Variants in GYS2 observed in about 807,000 individuals in gnomAD.
The protein encoded by GYS2 is glycogen synthase 2.
GYS2 carries 80 observed loss-of-function variants against 85.6 expected under a neutral mutation model. The ratio of observed to expected loss-of-function variants is 0.93; its 90% CI spans 0.78 to 1.13. The LOEUF is 1.13. Ranked by LOEUF, GYS2 falls within the 50% of genes most tolerant of loss-of-function variation. The pLI, the probability that GYS2 is intolerant of heterozygous loss-of-function variation, is 0.00. For synonymous variants in GYS2, 328 were observed against 300.7 expected, an observed-to-expected ratio of 1.09 and a Z score of -0.94; for missense variants, 881 against 854.9, an observed-to-expected ratio of 1.03 and a Z score of -0.38.
intron 11 of GYS2, among the ~76,000 whole-genome samples, chr12:21,547,877 G>T (rs1327138430): frequency 6.6e-6 from 1 of 152,130 alleles, no homozygotes; most frequent in Non-Finnish European, 1.5e-5. Flanking sequence ...AATGGACACT[G>T]TACTTTCTGT....
rs796978341 is a variant in GYS2 at position 21,560,559 on chromosome 12, T to A, written c.1063-67A>T. On this transcript the variant is annotated intron_variant, in intron 7 of 15. Coordinates refer to ENST00000261195, the MANE Select transcript of GYS2 (RefSeq NM_021957.4). ...TTTTAAAAAGTATGATAGATGGAAC[T>A]TAAACATTGAAAAGTAGAGTTTTAA... 5.9e-5 allele frequency: 48 copies of A among 808,522 alleles called. No homozygotes were observed. The African/African-American group carries it at 7.9e-4, about 13-fold the overall frequency. The allele number at this position is 808,522 out of a possible 1,614,324, so 50.1% of individuals were successfully genotyped here. A position where few individuals can be genotyped will look rare whatever the true frequency, so the allele number is the denominator to read the frequency against.
At chr12:21,540,325 T>G in intron 14 of GYS2, 85 bp downstream of exon 14, 1 of 1,140,764 alleles carries the variant, frequency 8.8e-7, no homozygotes, top group Non-Finnish European at 1.3e-6. Flanking sequence ...TTGGATTAAC[T>G]TTAGAGATTA....
chr12:21,546,564 A>AGCT, intron 11 of GYS2, 94 bp from the exon 12 acceptor site: 2 of 725,762 alleles, frequency 2.8e-6, no homozygotes, highest in Admixed American at 2.7e-5. Flanking sequence ...ACTCTACTAT[A>AGCT]GAATCCTTAT....
chr12:21,584,973 C>T (rs1032306975), intron 1 of GYS2, among the ~76,000 whole-genome samples: 2 of 152,144 alleles, frequency 1.3e-5, no homozygotes, highest in African/African-American at 4.8e-5. Context: ...TTTGAAGTCA[C>T]GATTACAATG....
intron 12 of GYS2, among the ~76,000 whole-genome samples, chr12:21,544,872 C>T (rs1193117790): frequency 3.9e-5 from 6 of 152,158 alleles, no homozygotes; most frequent in Non-Finnish European, 1.5e-5. Flanking sequence ...AGAATAGGAC[C>T]TTATGACCAA....
intron 4 of GYS2, among the ~76,000 whole-genome samples, chr12:21,571,898 G>A (rs1304668616): frequency 1.3e-5 from 2 of 149,950 alleles, no homozygotes; most frequent in Non-Finnish European, 3.0e-5. Flanking sequence ...GGAGGTGGAG[G>A]TTGCAGTGAG....
chr12:21,592,558 T>C (rs537424994), intron 1 of GYS2, among the ~76,000 whole-genome samples: 1 of 152,124 alleles, frequency 6.6e-6, no homozygotes, highest in East Asian at 1.9e-4. Flanking sequence ...CATTACATAA[T>C]GATAAAAGGA....
chr12:21,590,885 T>G (rs937108198), intron 1 of GYS2, among the ~76,000 whole-genome samples: 3 of 151,970 alleles, frequency 2.0e-5, no homozygotes, highest in Non-Finnish European at 4.4e-5. Context: ...TGTTGGCAGC[T>G]GAAAAAAAAT....
At chr12:21,597,565 T>G (rs537227343) in intron 1 of GYS2, among the ~76,000 whole-genome samples, 65 of 152,174 alleles carry the variant, frequency 4.3e-4, no homozygotes, top group South Asian at 1.0e-3. Context: ...CTGGCAAGGA[T>G]GTGAAGGAAA....
intron 1 of GYS2, among the ~76,000 whole-genome samples, chr12:21,588,543 T>C (rs1264528050): frequency 1.3e-5 from 2 of 152,230 alleles, no homozygotes; most frequent in Non-Finnish European, 2.9e-5. Context: ...CACAAGCTAA[T>C]TGTCCTTAAG....
chr12:21,565,605 T>C (rs1944310035), intron 5 of GYS2, among the ~76,000 whole-genome samples: 1 of 150,312 alleles, frequency 6.7e-6, no homozygotes, highest in Non-Finnish European at 1.5e-5. Context: ...ATTAATTTGA[T>C]TAATTTAATT....
At chr12:21,554,054 C>A (rs1944145184) in intron 11 of GYS2, among the ~76,000 whole-genome samples, 1 of 151,800 alleles carries the variant, frequency 6.6e-6, no homozygotes, top group African/African-American at 2.4e-5. Flanking sequence ...TGTATATTAG[C>A]CAATTTTTAT....
intron 11 of GYS2, among the ~76,000 whole-genome samples, chr12:21,548,905 C>T (rs1419007476): frequency 1.3e-5 from 2 of 152,002 alleles, no homozygotes; most frequent in Admixed American, 6.6e-5. Context: ...TCAGTGACAT[C>T]GCATTGGTAG....
rs146067864 is a variant in GYS2, at chr12:21,542,774, G to C, written c.1550-183C>G. Among the ~76,000 whole-genome samples the C allele has an allele frequency of 7.7e-3, 1,178 of 152,200 alleles. 24 individuals carry two copies. The highest frequency in any genetic ancestry group is 0.027 in the African/African-American group (1,120 of 41,506). ...AATCTCTCAACAACCCTGTGAAGTG[G>C]GGCCATCATTATCCCCATCTTACAG... On this transcript the variant is annotated intron_variant, in intron 12 of 15. Transcript: ENST00000261195.
chr12:21,569,732 T>C (rs1203818810), intron 4 of GYS2, among the ~76,000 whole-genome samples: 1 of 152,224 alleles, frequency 6.6e-6, no homozygotes, highest in African/African-American at 2.4e-5. Context: ...AAAGAATATG[T>C]AAAGTTTCTG....
intron 1 of GYS2, among the ~76,000 whole-genome samples, chr12:21,586,446 TC>T (rs1944574916): frequency 1.3e-5 from 2 of 151,742 alleles, no homozygotes; most frequent in Admixed American, 1.3e-4. Flanking sequence ...TATCTATCTA[TC>T]TATCTATCTA....
At chr12:21,594,333 A>C (rs1023357181) in intron 1 of GYS2, among the ~76,000 whole-genome samples, 8 of 152,170 alleles carry the variant, frequency 5.3e-5, no homozygotes, top group Non-Finnish European at 1.0e-4. Context: ...TCCAGATGAC[A>C]TGATTTTATA....
chr12:21,539,640 A>C (rs189185389), intron 14 of GYS2, among the ~76,000 whole-genome samples: 1 of 152,212 alleles, frequency 6.6e-6, no homozygotes, highest in African/African-American at 2.4e-5. Context: ...ACAGAGAAGC[A>C]GTGTGGCATG....
intron 1 of GYS2, among the ~76,000 whole-genome samples, chr12:21,583,083 TGCTC>T (rs1354983769): frequency 6.6e-6 from 1 of 152,200 alleles, no homozygotes; most frequent in Non-Finnish European, 1.5e-5. Flanking sequence ...GGAGAGAACT[TGCTC>T]ACCTTTCACT....
Sources: allele counts gnomAD v4.1 joint callset (sites outside exome capture counted in the v4.1 genomes callset), GRCh38; gene constraint gnomAD v4.1.1; transcripts MANE v1.5; gene names NCBI Gene and HGNC (gene_info 2026-07-23, HGNC 2026-07-21).